Variants in PPP1R13B observed in about 807,000 individuals in gnomAD.
The protein encoded by PPP1R13B is protein phosphatase 1 regulatory subunit 13B, also known as apoptosis-stimulating of p53 protein 1.
Under a neutral mutation model 119.8 loss-of-function variants are expected in PPP1R13B, and 44 were observed. The ratio of observed to expected loss-of-function variants is 0.37; its 90% confidence interval spans 0.29 to 0.47. The LOEUF is 0.47. Among genes scored for constraint, PPP1R13B ranks in the 20% least tolerant of loss-of-function variants. The pLI, the probability that PPP1R13B is intolerant of heterozygous loss-of-function variation, is 0.99. For missense variants in PPP1R13B, 1,227 were observed against 1,413.5 expected (o/e 0.87, Z 2.12); for synonymous variants, 542 against 561.5 (o/e 0.97, Z 0.49).
intron 1 of PPP1R13B, among the ~76,000 whole-genome samples, chr14:103,826,828 GA>G (rs2086555507): frequency 6.6e-6 from 1 of 151,462 alleles, no homozygotes; most frequent in African/African-American, 2.4e-5. Context: ...CTAACAAGGT[GA>G]AACCCTGTCT....
chr14:103,816,697 T>C (rs1253013380), intron 1 of PPP1R13B, among the ~76,000 whole-genome samples: 1 of 151,996 alleles, frequency 6.6e-6, no homozygotes, highest in Admixed American at 6.6e-5. Flanking sequence ...ATTATTTCCT[T>C]TCATATATTT....
rs1307197386 is a variant in PPP1R13B, at chr14:103,776,186, G to GAGGAAGGAAGGAAGGA, written c.354+2543_354+2558dup. Among the ~76,000 whole-genome samples, 522 of 75,910 alleles carry GAGGAAGGAAGGAAGGA rather than the reference G, an allele frequency of 6.9e-3. 8 individuals carry two copies. The highest frequency in any genetic ancestry group is 8.8e-3 in the Non-Finnish European group (376 of 42,904). 49.8% of individuals were successfully genotyped at this position (75,910 alleles called of 152,430 possible). A position where few individuals can be genotyped will look rare whatever the true frequency, so the allele number is the denominator to read the frequency against. ...GAAGGGAAGGAGGGAGGGAGGGAGG[G>GAGGAAGGAAGGAAGGA]AGGAAGGAAGGAAGGAAGGAAGGAA... On this transcript the variant is annotated intron_variant, in intron 4 of 16. Coordinates refer to ENST00000202556, the MANE Select transcript of PPP1R13B (RefSeq NM_015316.3).
At chr14:103,774,710 A>C (rs564043334) in intron 4 of PPP1R13B, among the ~76,000 whole-genome samples, 1 of 152,226 alleles carries the variant, frequency 6.6e-6, no homozygotes, top group South Asian at 2.1e-4. Context: ...CAGAAGTTAG[A>C]AGGCTTATTA....
At chr14:103,789,607 G>A (rs905876153) in intron 2 of PPP1R13B, among the ~76,000 whole-genome samples, 6 of 151,864 alleles carry the variant, frequency 4.0e-5, no homozygotes, top group South Asian at 2.1e-4. Context: ...TCTGTCTCCC[G>A]GGTTCAAGCG....
At chr14:103,842,431 T>C (rs959139196) in intron 1 of PPP1R13B, among the ~76,000 whole-genome samples, 1 of 151,368 alleles carries the variant, frequency 6.6e-6, no homozygotes, top group Non-Finnish European at 1.5e-5. Context: ...GTCTCCTGAG[T>C]AGCTGGGACT....
At chr14:103,840,659 C>T (rs1018415754) in intron 1 of PPP1R13B, among the ~76,000 whole-genome samples, 2 of 151,900 alleles carry the variant, frequency 1.3e-5, no homozygotes, top group Admixed American at 1.3e-4. Context: ...GGTGTGGAAG[C>T]ACATGCCTGT....
intron 1 of PPP1R13B, among the ~76,000 whole-genome samples, chr14:103,800,814 C>A (rs533802486): frequency 1.3e-5 from 2 of 151,910 alleles, no homozygotes; most frequent in Admixed American, 1.3e-4. Flanking sequence ...ACTAATCTCC[C>A]CCGACTCTAA....
At chr14:103,818,548 A>C in intron 1 of PPP1R13B, 1 of 954,582 alleles carries the variant, frequency 1.0e-6, no homozygotes, top group Non-Finnish European at 1.2e-6. Context: ...ACACCAGTTG[A>C]TTTCGTCCTC....
At chr14:103,824,203 G>A (rs537236498) in intron 1 of PPP1R13B, among the ~76,000 whole-genome samples, 21 of 150,476 alleles carry the variant, frequency 1.4e-4, no homozygotes, top group Admixed American at 7.9e-4. Flanking sequence ...GTGCAACCAC[G>A]CCCAGCTAAT....
intron 15 of PPP1R13B, chr14:103,737,335 T>G (rs1329782741): frequency 1.7e-5 from 3 of 179,498 alleles, no homozygotes; most frequent in Non-Finnish European, 2.3e-5. Flanking sequence ...AGGCTGAAAG[T>G]GGGCAGATCG....
At chr14:103,812,428 CTG>C (rs2086181872) in intron 1 of PPP1R13B, among the ~76,000 whole-genome samples, 1 of 150,526 alleles carries the variant, frequency 6.6e-6, no homozygotes, top group Admixed American at 6.6e-5. Context: ...GTGGCTGTTT[CTG>C]TGTTTTTGAG....
At chr14:103,831,168 C>A (rs900238698) in intron 1 of PPP1R13B, among the ~76,000 whole-genome samples, 3 of 152,116 alleles carry the variant, frequency 2.0e-5, no homozygotes, top group Admixed American at 6.5e-5. Context: ...TGGTCTCGAT[C>A]CCCTGACCTC....
At chr14:103,747,908 G>A (rs928825358) in intron 8 of PPP1R13B, among the ~76,000 whole-genome samples, 2 of 152,182 alleles carry the variant, frequency 1.3e-5, no homozygotes, top group East Asian at 3.8e-4. Context: ...TGCCTTAAGA[G>A]AAACAGAGAG....
chr14:103,765,857 T>C (rs1232872726), intron 4 of PPP1R13B, among the ~76,000 whole-genome samples: 4 of 152,108 alleles, frequency 2.6e-5, no homozygotes, highest in Non-Finnish European at 4.4e-5. Flanking sequence ...AAATGAATTC[T>C]TGAATTCATT....
chr14:103,804,923 G>A (rs1308271558), intron 1 of PPP1R13B, among the ~76,000 whole-genome samples: 1 of 152,074 alleles, frequency 6.6e-6, no homozygotes, highest in Non-Finnish European at 1.5e-5. Context: ...TGCAACCTCC[G>A]CCTCCCAGGT....
At chr14:103,846,111 T>G (rs895546605) in intron 1 of PPP1R13B, among the ~76,000 whole-genome samples, 17 of 152,290 alleles carry the variant, frequency 1.1e-4, no homozygotes, top group Admixed American at 2.0e-4. Context: ...CAATTCTCTT[T>G]CCATTACAAG....
At chr14:103,772,043 C>T (rs760285133) in intron 4 of PPP1R13B, among the ~76,000 whole-genome samples, 2 of 152,146 alleles carry the variant, frequency 1.3e-5, no homozygotes, top group South Asian at 2.1e-4. Flanking sequence ...TTCCCTGTTA[C>T]TAGAGATTAT....
intron 1 of PPP1R13B, among the ~76,000 whole-genome samples, chr14:103,811,087 T>G (rs1426027874): frequency 9.4e-5 from 8 of 85,106 alleles, no homozygotes; most frequent in African/African-American, 4.0e-4. Context: ...AGCGTGAGAC[T>G]CCTCCTCAAA....
chr14:103,782,736 T>C (rs2085365145), intron 3 of PPP1R13B, among the ~76,000 whole-genome samples: 1 of 152,176 alleles, frequency 6.6e-6, no homozygotes, highest in Admixed American at 6.6e-5. Context: ...AATATCTTCA[T>C]ATATCCTAGG....
Sources: gnomAD v4.1 joint callset for allele counts (sites outside exome capture counted in the v4.1 genomes callset) on GRCh38, gnomAD v4.1.1 for gene constraint, MANE v1.5 for transcripts, NCBI Gene and HGNC (gene_info 2026-07-23, HGNC 2026-07-21) for gene names.